Variants in CPXM2 observed in about 807,000 individuals in gnomAD.
CPXM2 encodes carboxypeptidase X, M14 family member 2.
A neutral mutation model predicts 86.1 loss-of-function variants in CPXM2; 66 were observed. That is an observed-to-expected ratio of 0.77 (90% CI 0.63 to 0.94). The LOEUF is 0.94. Ranked by LOEUF, CPXM2 falls within the 40% of genes least tolerant of loss-of-function variation. CPXM2 has a pLI of 0.00. For synonymous variants in CPXM2, 388 were observed against 400.2 expected, an observed-to-expected ratio of 0.97 and a Z score of 0.36; for missense variants, 948 against 1,026.3, an observed-to-expected ratio of 0.92 and a Z score of 1.04.
intron 2 of CPXM2, among the ~76,000 whole-genome samples, chr10:123,869,351 AAAAC>A (rs1944854160): frequency 6.6e-6 from 1 of 152,160 alleles, no homozygotes; most frequent in African/African-American, 2.4e-5. Context: ...TTTCTCCCCT[AAAAC>A]AAACAAATTC....
At chr10:123,798,192 G>T in intron 5 of CPXM2, 66 bp from the exon 6 acceptor site, 1 of 1,339,698 alleles carries the variant, frequency 7.5e-7, no homozygotes, top group South Asian at 1.8e-5. Context: ...TAAAAAGTCA[G>T]AATTCACTCA....
rs1564812735 is a variant in CPXM2, at chr10:123,885,286, G to A, written c.305-4977C>T. Among the ~76,000 whole-genome samples the A allele has an allele frequency of 6.6e-6, 1 of 152,102 alleles. No homozygotes were observed. Among genetic ancestry groups the A allele is most frequent in the Non-Finnish European group, 1.5e-5 (1 of 68,018 alleles). The stretch of plus-strand genomic sequence containing the variant: ...TGGGAGGCTAGAAGGCTGGGAGGCT[G>A]GGAGGCTGGAAGGCTGGGCATTGAC... On this transcript the variant is annotated intron_variant, in intron 1 of 13. Coordinates refer to ENST00000241305, the MANE Select transcript of CPXM2 (RefSeq NM_198148.3). This position sits in a 1 kb window ranked among gnomAD's most constrained non-coding sequence, Gnocchi z 4.0.
At chr10:123,790,947 C>T (rs1298178788) in intron 6 of CPXM2, among the ~76,000 whole-genome samples, 1 of 152,136 alleles carries the variant, frequency 6.6e-6, no homozygotes, top group Non-Finnish European at 1.5e-5. Flanking sequence ...AGCTGCGATG[C>T]TATCATTATT....
At chr10:123,756,728 C>T (rs535290892) in intron 12 of CPXM2, among the ~76,000 whole-genome samples, 1 of 152,344 alleles carries the variant, frequency 6.6e-6, no homozygotes, top group East Asian at 1.9e-4. Flanking sequence ...TGGACTCATA[C>T]ACAGAGGTGC....
At chr10:123,825,272 G>A (rs1211813404) in intron 4 of CPXM2, among the ~76,000 whole-genome samples, 5 of 152,076 alleles carry the variant, frequency 3.3e-5, no homozygotes, top group Non-Finnish European at 5.9e-5. Context: ...TGAAATGCCC[G>A]TATATAAGGC....
At chr10:123,911,920 G>C (rs1234362697) in intron 2 of CPXM2, among the ~76,000 whole-genome samples, 2 of 152,102 alleles carry the variant, frequency 1.3e-5, no homozygotes, top group Non-Finnish European at 2.9e-5. Context: ...GGGGCATAAG[G>C]CAGAAGGAGA....
chr10:123,824,527 C>G (rs184854759), intron 4 of CPXM2, among the ~76,000 whole-genome samples: 95 of 152,206 alleles, frequency 6.2e-4, no homozygotes, highest in Admixed American at 2.4e-3. Flanking sequence ...ACTGAGTGAG[C>G]AAAATCCACA....
intron 3 of CPXM2, chr10:123,843,414 T>TAG (rs1848428531): frequency 6.1e-6 from 2 of 327,500 alleles, no homozygotes; most frequent in African/African-American, 4.6e-5. Context: ...TATTTTTCCA[T>TAG]GGCTATTTCA....
chr10:123,788,702 C>T (rs527872927), intron 6 of CPXM2, among the ~76,000 whole-genome samples: 3 of 152,178 alleles, frequency 2.0e-5, no homozygotes, highest in Non-Finnish European at 2.9e-5. Context: ...ACTCTGCATG[C>T]GGTGAGAGCA....
At chr10:123,775,531 C>T (rs1476407183) in intron 7 of CPXM2, among the ~76,000 whole-genome samples, 2 of 152,196 alleles carry the variant, frequency 1.3e-5, no homozygotes, top group Non-Finnish European at 2.9e-5. Context: ...AGAAGAAAAA[C>T]ATCACCTTCC....
intron 2 of CPXM2, among the ~76,000 whole-genome samples, chr10:123,928,416 G>A (rs1402927680): frequency 6.6e-6 from 1 of 152,170 alleles, no homozygotes; most frequent in African/African-American, 2.4e-5. Context: ...CAACAAAGCA[G>A]AATACACCAA....
At chr10:123,880,584 C>T (rs1181626098) in intron 1 of CPXM2, among the ~76,000 whole-genome samples, 1 of 152,124 alleles carries the variant, frequency 6.6e-6, no homozygotes, top group African/African-American at 2.4e-5. Context: ...AATCCCAGCA[C>T]TTTGGGAGGC....
intron 2 of CPXM2, among the ~76,000 whole-genome samples, chr10:123,928,480 C>T (rs1010533214): frequency 3.3e-5 from 5 of 152,208 alleles, no homozygotes; most frequent in Non-Finnish European, 7.3e-5. Context: ...ACTGCTCTAT[C>T]AAATTGTGGC....
chr10:123,792,257 A>G (rs1373812533), intron 6 of CPXM2, among the ~76,000 whole-genome samples: 1 of 152,172 alleles, frequency 6.6e-6, no homozygotes, highest in Non-Finnish European at 1.5e-5. Flanking sequence ...AGAAGGGGAA[A>G]TTGGGAAAAA....
intron 2 of CPXM2, among the ~76,000 whole-genome samples, chr10:123,878,760 A>T (rs1180018950): frequency 1.3e-5 from 2 of 152,136 alleles, no homozygotes; most frequent in Non-Finnish European, 2.9e-5. Context: ...AAGTACCAGG[A>T]TCCAATCTGA....
chr10:123,901,402 C>A (rs1321110151), intron 2 of CPXM2, among the ~76,000 whole-genome samples: 8 of 148,512 alleles, frequency 5.4e-5, no homozygotes, highest in Non-Finnish European at 1.2e-4. Context: ...GCAGCAAACA[C>A]CTTGTTTTCC....
chr10:123,798,218 T>C (rs779613396), intron 5 of CPXM2, 92 bp from the exon 6 acceptor site: 32 of 1,198,534 alleles, frequency 2.7e-5, no homozygotes, highest in Non-Finnish European at 3.2e-5. Context: ...CAAGACTTTA[T>C]TGAGGAAAAC....
chr10:123,854,370 ATATAAT>A (rs1192352724), intron 3 of CPXM2, among the ~76,000 whole-genome samples: 23 of 84,718 alleles, frequency 2.7e-4, no homozygotes, highest in African/African-American at 1.1e-3. Flanking sequence ...AAATATATAT[ATATAAT>A]ATATATATAA....
intron 4 of CPXM2, among the ~76,000 whole-genome samples, chr10:123,805,250 G>T (rs2134081514): frequency 6.6e-6 from 1 of 151,944 alleles, no homozygotes; most frequent in South Asian, 2.1e-4. Context: ...CCTTCCTGGT[G>T]CATTCTTTAA....
Sources: allele counts gnomAD v4.1 joint callset (sites outside exome capture counted in the v4.1 genomes callset), GRCh38; gene constraint gnomAD v4.1.1; non-coding constraint Gnocchi (gnomAD v3.1); transcripts MANE v1.5; gene names NCBI Gene and HGNC (gene_info 2026-07-23, HGNC 2026-07-21).